NOTCH2NLC: variants seen among roughly 807,000 people sequenced by gnomAD.
NOTCH2NLC encodes the protein notch 2 N-terminal like C.
In NOTCH2NLC, 4 loss-of-function variants were observed where a neutral mutation model predicts 17.7. The ratio of observed to expected loss-of-function variants is 0.23; its 90% CI spans 0.11 to 0.52. The LOEUF is 0.52. Among genes scored for constraint, NOTCH2NLC ranks in the 20% least tolerant of loss-of-function variants. The probability of loss-of-function intolerance (pLI) is 0.96; values close to 1 mark genes in which losing one functional copy is unlikely to be tolerated. For missense variants in NOTCH2NLC, 57 were observed against 207.2 expected, an observed-to-expected ratio of 0.28 and a Z score of 4.45; for synonymous variants, 18 against 86.0, an observed-to-expected ratio of 0.21 and a Z score of 4.38.
In NOTCH2NLC at chr1:149,461,652, A is replaced by G. The variant is rs1196300973; in HGVS notation, c.470-1839A>G. On this transcript the variant is annotated intron_variant, in intron 3 of 4. Coordinates refer to ENST00000650865, the MANE Select transcript of NOTCH2NLC (RefSeq NM_001364013.2). ...ACTGGGTATATACCCAAAGAATTAT[A>G]AATCGTGCTGCTATAAAGACACATG... Among the ~76,000 whole-genome samples the G allele has an allele frequency of 4.6e-5, 7 of 151,376 alleles. 1 individual carries two copies. Among genetic ancestry groups the G allele is most frequent in the Non-Finnish European group, 1.5e-5 (1 of 67,722 alleles).
Position 149,469,770 on chromosome 1 carries a change from C to T in NOTCH2NLC, c.*5617C>T, listed in dbSNP as rs1279737870. Among the ~76,000 whole-genome samples the T allele has an allele frequency of 1.4e-5, 2 of 145,932 alleles. No homozygotes were observed. The highest frequency in any genetic ancestry group is 6.9e-5 in the Admixed American group (1 of 14,494). On this transcript the variant is annotated 3_prime_UTR_variant, in exon 5 of 5. Transcript: ENST00000650865. ...AAGCAGTAGACTCCCTTTAGTACGG[C>T]GCTGTGAGCCTCTCAGTGAATCTGC...
chr1:149,391,035 C>G, intron 1 of NOTCH2NLC, 113 bp downstream of exon 1: 4 of 932,536 alleles, frequency 4.3e-6, no homozygotes, highest in Non-Finnish European at 5.4e-6. Flanking sequence ...GCCGCCGGCG[C>G]GGAGCGAGGC....
chr1:149,448,822 C>T (rs1179157857), intron 2 of NOTCH2NLC, among the ~76,000 whole-genome samples: 1 of 141,360 alleles, frequency 7.1e-6, no homozygotes, highest in African/African-American at 2.6e-5. Context: ...AGTGTTGAAG[C>T]ACACGCACTC....
chr1:149,446,139 C>T (rs1273081234), intron 2 of NOTCH2NLC, among the ~76,000 whole-genome samples: 3 of 95,974 alleles, frequency 3.1e-5, no homozygotes, highest in East Asian at 2.8e-4. Flanking sequence ...ACTTAGGAAA[C>T]GTGAAAGAAC....
At chr1:149,429,257 A>G (rs2084430453) in intron 1 of NOTCH2NLC, among the ~76,000 whole-genome samples, 1 of 150,868 alleles carries the variant, frequency 6.6e-6, no homozygotes, top group Admixed American at 6.6e-5. Context: ...GCGATGCCCC[A>G]TAAAGAGGCC....
chr1:149,441,823 CTAAT>C (rs1457749470), intron 2 of NOTCH2NLC, among the ~76,000 whole-genome samples: 1 of 35,238 alleles, frequency 2.8e-5, no homozygotes, highest in East Asian at 7.5e-4. Flanking sequence ...AGCAGACTCT[CTAAT>C]TAGGAGACAT....
At chr1:149,440,132 G>A (rs1279322098) in intron 2 of NOTCH2NLC, among the ~76,000 whole-genome samples, 5,318 of 150,122 alleles carry the variant, frequency 0.035, 246 homozygotes, top group Middle Eastern at 0.059. Flanking sequence ...AGCATTTAGC[G>A]TATTAAATCT....
chr1:149,419,699 TCCTC>T (rs1358101995), intron 1 of NOTCH2NLC, among the ~76,000 whole-genome samples: 1 of 150,006 alleles, frequency 6.7e-6, no homozygotes, highest in Non-Finnish European at 1.5e-5. Flanking sequence ...GATTATCAGC[TCCTC>T]ATCAAATATC....
At chr1:149,417,948 A>G (rs1397395210) in intron 1 of NOTCH2NLC, among the ~76,000 whole-genome samples, 1 of 150,044 alleles carries the variant, frequency 6.7e-6, no homozygotes, top group African/African-American at 2.4e-5. Context: ...ATGGCTGGCT[A>G]TCTTCTGGAA....
intron 1 of NOTCH2NLC, among the ~76,000 whole-genome samples, chr1:149,393,069 CA>C (rs1158506660): frequency 0.064 from 2,751 of 43,032 alleles, 10 homozygotes; most frequent in African/African-American, 0.11. Context: ...GACTCCGTCT[CA>C]AAAAAAAAAA....
intron 1 of NOTCH2NLC, among the ~76,000 whole-genome samples, chr1:149,392,925 G>A (rs2084181198): frequency 6.7e-6 from 1 of 150,304 alleles, no homozygotes; most frequent in South Asian, 2.1e-4. Context: ...CAAAAAATTA[G>A]CCGGGCGTAG....
At chr1:149,440,000 T>C (rs1448419886) in intron 2 of NOTCH2NLC, among the ~76,000 whole-genome samples, 1 of 149,502 alleles carries the variant, frequency 6.7e-6, no homozygotes, top group Non-Finnish European at 1.5e-5. Flanking sequence ...TGATGGGTGA[T>C]ATTATTCAGC....
chr1:149,414,813 T>C lies in NOTCH2NLC; in HGVS notation c.136-16129T>C, dbSNP rs2084321796. ...TTAATGTCTAAGATATTTGTTCTTT[T>C]GTTTGTAGCTTATCTTTTACTCCCC... On this transcript the variant is annotated intron_variant, in intron 1 of 4. Transcript: ENST00000650865. Among the ~76,000 whole-genome samples, 3 of 149,322 alleles carry C rather than the reference T, an allele frequency of 2.0e-5. 1 individual carries two copies. The highest frequency in any genetic ancestry group is 4.5e-5 in the Non-Finnish European group (3 of 66,930).
chr1:149,404,985 A>G (rs2084260258), intron 1 of NOTCH2NLC, among the ~76,000 whole-genome samples: 1 of 143,610 alleles, frequency 7.0e-6, no homozygotes, highest in African/African-American at 2.6e-5. Context: ...AATTATTTCT[A>G]AGACTTTATT....
chr1:149,433,815 G>A (rs2084467418), intron 2 of NOTCH2NLC, among the ~76,000 whole-genome samples: 3 of 150,858 alleles, frequency 2.0e-5, no homozygotes, highest in South Asian at 4.2e-4. Flanking sequence ...GGGCGTGGTG[G>A]CACGCACCTG....
chr1:149,426,583 T>C (rs1299431576), intron 1 of NOTCH2NLC, among the ~76,000 whole-genome samples: 1 of 141,698 alleles, frequency 7.1e-6, no homozygotes, highest in Non-Finnish European at 1.5e-5. Flanking sequence ...TGCCTTTTTT[T>C]TTTTTTTTTT....
At chr1:149,419,959 C>T (rs1281932944) in intron 1 of NOTCH2NLC, among the ~76,000 whole-genome samples, 7 of 139,730 alleles carry the variant, frequency 5.0e-5, no homozygotes, top group South Asian at 2.3e-4. Flanking sequence ...CTCCGCCTCC[C>T]GGGTTCATGC....
rs1457115722 is a variant in NOTCH2NLC at position 149,471,140 on chromosome 1, C to G, written c.*6987C>G. Among the ~76,000 whole-genome samples the G allele has an allele frequency of 2.7e-5, 4 of 149,210 alleles. No homozygotes were observed. The highest frequency in any genetic ancestry group is 6.0e-5 in the Non-Finnish European group (4 of 66,958). On this transcript the variant is annotated 3_prime_UTR_variant, in exon 5 of 5. Transcript: ENST00000650865. ...GTATCTTCTTTGGAGAATGTCTGTT[C>G]AGATCCTTTACCTACTTTATAATTG... is the stretch of plus-strand genomic sequence containing the variant.
chr1:149,419,012 CTCTT>C (rs1457156998), intron 1 of NOTCH2NLC, among the ~76,000 whole-genome samples: 40 of 149,768 alleles, frequency 2.7e-4, no homozygotes, highest in African/African-American at 9.3e-4. Context: ...TCCTTCCTCT[CTCTT>C]TCCCTTTCCC....
Sources: allele counts gnomAD v4.1 joint callset (sites outside exome capture counted in the v4.1 genomes callset), GRCh38; gene constraint gnomAD v4.1.1; transcripts MANE v1.5; gene names NCBI Gene and HGNC (gene_info 2026-07-23, HGNC 2026-07-21).